The following APBA2 variants were observed in gnomAD, a reference collection of about 807,000 sequenced individuals.
The protein encoded by APBA2 is amyloid-beta A4 precursor protein-binding family A member 2.
A neutral mutation model predicts 75.0 loss-of-function variants in APBA2; 30 were observed. That is an observed-to-expected ratio of 0.40 (90% CI 0.30 to 0.54). The LOEUF (loss-of-function observed/expected upper bound fraction) is 0.54. APBA2 is among the 20% of genes least tolerant of loss of function. The pLI is 0.49. For synonymous variants in APBA2, 444 were observed against 409.6 expected, an observed-to-expected ratio of 1.08 and a Z score of -1.01; for missense variants, 801 against 1,016.1, an observed-to-expected ratio of 0.79 and a Z score of 2.88.
intron 2 of APBA2, among the ~76,000 whole-genome samples, chr15:28,993,158 A>G (rs1171170652): frequency 6.6e-6 from 1 of 152,100 alleles, no homozygotes; most frequent in African/African-American, 2.4e-5. Flanking sequence ...CCGCCCCCCA[A>G]ATATGCCTGG....
At chr15:28,892,084 TG>T (rs1391766624) in intron 1 of APBA2, among the ~76,000 whole-genome samples, 1 of 108,778 alleles carries the variant, frequency 9.2e-6, no homozygotes, top group Non-Finnish European at 1.9e-5. Context: ...TATATATATA[TG>T]TTTTTTTGAG....
chr15:28,961,930 C>T (rs2036494859), intron 2 of APBA2, among the ~76,000 whole-genome samples: 1 of 152,150 alleles, frequency 6.6e-6, no homozygotes, highest in African/African-American at 2.4e-5. Flanking sequence ...AGAGATACCT[C>T]CCTTTATCCA....
At chr15:28,988,821 C>T (rs1228068467) in intron 2 of APBA2, among the ~76,000 whole-genome samples, 1 of 152,172 alleles carries the variant, frequency 6.6e-6, no homozygotes, top group Non-Finnish European at 1.5e-5. Context: ...ATTGGAATTG[C>T]TATGGGAGAG....
chr15:28,959,579 G>A (rs533620746), intron 2 of APBA2, among the ~76,000 whole-genome samples: 1 of 90,538 alleles, frequency 1.1e-5, no homozygotes, highest in African/African-American at 2.1e-4. Flanking sequence ...CCATAATCTC[G>A]ACTTCCAGTC....
rs2038256512 is a variant in APBA2, at chr15:28,991,932, C to T, written c.-94-3821C>T. Among the ~76,000 whole-genome samples, 1 of 152,196 alleles carries T rather than the reference C, an allele frequency of 6.6e-6. No individual in the cohort carries two copies. Among genetic ancestry groups the T allele is most frequent in the Non-Finnish European group, 1.5e-5 (1 of 68,040 alleles). The stretch of plus-strand genomic sequence containing the variant: ...GCCCCTTAGCAAGTGCAGCGTTGCC[C>T]ATTTCACTCTGGGAAATGCAGCCAT... On this transcript the variant is annotated intron_variant, in intron 2 of 14. Transcript: ENST00000683413. This position sits in a 1 kb window ranked among gnomAD's most constrained non-coding sequence, Gnocchi z 4.7.
intron 3 of APBA2, among the ~76,000 whole-genome samples, chr15:29,018,222 A>G (rs1456216017): frequency 6.6e-6 from 1 of 152,138 alleles, no homozygotes; most frequent in Non-Finnish European, 1.5e-5. Context: ...TTCCCTCCTC[A>G]GCAATTCTAA....
intron 7 of APBA2, 34 bp downstream of exon 7, chr15:29,093,254 C>T (rs1255973250): frequency 2.5e-5 from 41 of 1,612,456 alleles, no homozygotes; most frequent in Middle Eastern, 1.7e-4. Context: ...CGCGGATGCC[C>T]GCACACTTTG....
At chr15:29,053,055 C>T (rs1409305366) in intron 3 of APBA2, among the ~76,000 whole-genome samples, 1 of 152,162 alleles carries the variant, frequency 6.6e-6, no homozygotes, top group East Asian at 1.9e-4. Flanking sequence ...AAGGCCATAG[C>T]CGTGTGGTTT....
In APBA2 at chr15:28,914,975, C is replaced by A. The variant is rs1476854241; in HGVS notation, c.-204-6665C>A. Among the ~76,000 whole-genome samples the A allele has an allele frequency of 6.9e-3, 1,021 of 148,418 alleles. 12 individuals carry two copies. Among genetic ancestry groups the A allele is most frequent in the African/African-American group, 0.023 (931 of 40,172 alleles). ...CCACCTCACACACACCACACGCATACCCCATACACGCCACACACATATCAT... is the reference window on the plus strand; with the variant it reads ...CCACCTCACACACACCACACGCATAACCCATACACGCCACACACATATCAT... On this transcript the variant is annotated intron_variant, in intron 1 of 14. Coordinates refer to ENST00000683413, the MANE Select transcript of APBA2 (RefSeq NM_001353788.2).
At chr15:29,017,101 G>C (rs1013205655) in intron 3 of APBA2, among the ~76,000 whole-genome samples, 5 of 152,050 alleles carry the variant, frequency 3.3e-5, no homozygotes, top group African/African-American at 9.7e-5. Flanking sequence ...GCATAGAGTG[G>C]TACCTGCCTG....
chr15:29,094,629 A>G (rs909017131), intron 8 of APBA2, among the ~76,000 whole-genome samples: 6 of 152,254 alleles, frequency 3.9e-5, no homozygotes, highest in African/African-American at 1.4e-4. Context: ...TGATATGACA[A>G]CGTGGTGGGT....
chr15:29,099,430 G>C (rs1303659824), intron 9 of APBA2, among the ~76,000 whole-genome samples: 1 of 152,220 alleles, frequency 6.6e-6, no homozygotes, highest in African/African-American at 2.4e-5. Context: ...AAGGGGCTGT[G>C]ACAACAGAGA....
At chr15:29,001,605 A>AG (rs1294465814) in intron 3 of APBA2, among the ~76,000 whole-genome samples, 2 of 152,200 alleles carry the variant, frequency 1.3e-5, no homozygotes, top group Admixed American at 1.3e-4. Flanking sequence ...CATAATGAAG[A>AG]GGGGATGTGT....
intron 1 of APBA2, among the ~76,000 whole-genome samples, chr15:28,909,808 C>T (rs1381721818): frequency 6.6e-6 from 1 of 152,186 alleles, no homozygotes; most frequent in African/African-American, 2.4e-5. Flanking sequence ...GGCCGTGTGA[C>T]CACAGGGCTT....
Position 29,117,595 on chromosome 15 carries a change from C to T in APBA2, c.*462C>T. 1 of 175,378 alleles carries T rather than the reference C, an allele frequency of 5.7e-6. No individual in the cohort carries two copies. Among genetic ancestry groups the T allele is most frequent in the Non-Finnish European group, 1.2e-5 (1 of 82,032 alleles). 10.9% of individuals were successfully genotyped at this position (175,378 alleles called of 1,614,324 possible). ...CCCCACAATGGTCCCAAACAGCTGC[C>T]TCTGCCACTGACTGCAGGGACACGG... On this transcript the variant is annotated 3_prime_UTR_variant, in exon 15 of 15. Coordinates refer to ENST00000683413, the MANE Select transcript of APBA2 (RefSeq NM_001353788.2).
intron 1 of APBA2, among the ~76,000 whole-genome samples, chr15:28,891,884 A>G (rs1281504556): frequency 9.2e-5 from 14 of 152,200 alleles, no homozygotes; most frequent in African/African-American, 1.4e-4. Context: ...AAAAATTCCT[A>G]TTGCTTAGTG....
intron 4 of APBA2, among the ~76,000 whole-genome samples, chr15:29,070,017 A>G (rs1393735113): frequency 6.6e-6 from 1 of 152,218 alleles, no homozygotes; most frequent in Non-Finnish European, 1.5e-5. Context: ...AGCACGGAGA[A>G]TAAAGCCAGG....
At chr15:28,963,241 A>G (rs1389717667) in intron 2 of APBA2, among the ~76,000 whole-genome samples, 1 of 152,124 alleles carries the variant, frequency 6.6e-6, no homozygotes, top group Non-Finnish European at 1.5e-5. Flanking sequence ...GTCTTCCTAG[A>G]GTTGGGAAGG....
At chr15:29,007,049 C>T (rs1458036451) in intron 3 of APBA2, among the ~76,000 whole-genome samples, 2 of 152,166 alleles carry the variant, frequency 1.3e-5, no homozygotes, top group Non-Finnish European at 2.9e-5. Flanking sequence ...GTAGTAGTTG[C>T]ATAAAGACAG....
Sources: gnomAD v4.1 joint callset for allele counts (sites outside exome capture counted in the v4.1 genomes callset) on GRCh38, gnomAD v4.1.1 for gene constraint, Gnocchi (gnomAD v3.1) non-coding constraint, MANE v1.5 for transcripts, NCBI Gene and HGNC (gene_info 2026-07-23, HGNC 2026-07-21) for gene names.